TAFA2: variants seen among roughly 807,000 people sequenced by gnomAD.
The protein encoded by TAFA2 is TAFA chemokine like family member 2, also known as chemokine-like protein TAFA-2.
Under a neutral mutation model 18.8 loss-of-function variants are expected in TAFA2, and 7 were observed. That is an observed-to-expected ratio of 0.37 (90% CI 0.21 to 0.70). TAFA2 has a LOEUF of 0.70. Ranked by LOEUF, TAFA2 falls within the 30% of genes least tolerant of loss-of-function variation. TAFA2 has a pLI of 0.53. For synonymous variants in TAFA2, 60 were observed against 54.2 expected (o/e 1.11, Z -0.47); for missense variants, 122 against 158.1 (o/e 0.77, Z 1.23).
At chr12:61,865,481 T>C (rs1321684936) in intron 2 of TAFA2, among the ~76,000 whole-genome samples, 1 of 152,068 alleles carries the variant, frequency 6.6e-6, no homozygotes, top group African/African-American at 2.4e-5. Flanking sequence ...TCATCCAAAA[T>C]ATTGGTGGCA....
At position 61,973,410 on chromosome 12, in the gene TAFA2, TTTTTA is replaced by T. The variant is rs1200129120; in HGVS notation, c.-1-105989_-1-105985del. On this transcript the variant is annotated intron_variant, in intron 1 of 4. Transcript: ENST00000416284. ...TATTATTTAGATTTTTTTTTTTTTT[TTTTTA>T]GTTTTCATTACAACTTAGTTTATTT... Among the ~76,000 whole-genome samples the T allele has an allele frequency of 5.5e-3, 824 of 148,784 alleles. 3 individuals are homozygous for T. Among genetic ancestry groups the T allele is most frequent in the Non-Finnish European group, 8.4e-3 (559 of 66,564 alleles).
intron 1 of TAFA2, among the ~76,000 whole-genome samples, chr12:62,118,074 C>T (rs1470636930): frequency 6.6e-6 from 1 of 152,076 alleles, no homozygotes; most frequent in Admixed American, 6.5e-5. Context: ...TATGCAGTCA[C>T]CTCATATGAC....
intron 1 of TAFA2, among the ~76,000 whole-genome samples, chr12:62,170,633 A>G (rs1041847134): frequency 6.6e-6 from 1 of 152,140 alleles, no homozygotes; most frequent in Admixed American, 6.5e-5. Flanking sequence ...TTCTATTTGT[A>G]TCAATTTAAG....
At chr12:61,752,888 C>T (rs1203123585) in intron 4 of TAFA2, among the ~76,000 whole-genome samples, 1 of 151,724 alleles carries the variant, frequency 6.6e-6, no homozygotes, top group Non-Finnish European at 1.5e-5. Flanking sequence ...TATGCTTTTC[C>T]TAAAAGCAAA....
intron 1 of TAFA2, among the ~76,000 whole-genome samples, chr12:62,003,563 C>T (rs1340948477): frequency 2.6e-5 from 4 of 152,164 alleles, no homozygotes; most frequent in African/African-American, 7.2e-5. Flanking sequence ...GCAACCCATC[C>T]ACCTCAGCCT....
chr12:61,868,316 T>C (rs965559756), intron 1 of TAFA2, among the ~76,000 whole-genome samples: 6 of 152,126 alleles, frequency 3.9e-5, no homozygotes, highest in African/African-American at 1.4e-4. Flanking sequence ...CCCAGAATTG[T>C]CTAATTCTAA....
intron 2 of TAFA2, among the ~76,000 whole-genome samples, chr12:61,821,286 T>C (rs1018052017): frequency 6.6e-6 from 1 of 152,158 alleles, no homozygotes; most frequent in South Asian, 2.1e-4. Flanking sequence ...GTAATATAGG[T>C]TAATGATTTG....
intron 1 of TAFA2, among the ~76,000 whole-genome samples, chr12:61,908,772 G>A (rs1876477423): frequency 6.6e-6 from 1 of 152,038 alleles, no homozygotes; most frequent in Non-Finnish European, 1.5e-5. Context: ...CCTCTTTATG[G>A]AGCAACATAA....
chr12:61,901,259 C>CTTTTTTTTTTTTTTTTT (rs1203233805), intron 1 of TAFA2, among the ~76,000 whole-genome samples: 4 of 10,898 alleles, frequency 3.7e-4, no homozygotes, highest in Non-Finnish European at 2.9e-4. Flanking sequence ...TTCAATTTCA[C>CTTTTTTTTTTTTTTTTT]TTTTTTTTTT....
chr12:61,882,592 C>G (rs1875194855), intron 1 of TAFA2, among the ~76,000 whole-genome samples: 4 of 152,164 alleles, frequency 2.6e-5, no homozygotes, highest in Admixed American at 2.0e-4. Flanking sequence ...AATTCAGACT[C>G]TTTCACCAAG....
chr12:62,108,725 C>A (rs1250463744), intron 1 of TAFA2, among the ~76,000 whole-genome samples: 1 of 152,178 alleles, frequency 6.6e-6, no homozygotes, highest in South Asian at 2.1e-4. Context: ...ATTTGCATTT[C>A]TCTAATGACC....
intron 1 of TAFA2, among the ~76,000 whole-genome samples, chr12:62,001,869 C>T (rs1880388376): frequency 6.6e-6 from 1 of 152,082 alleles, no homozygotes; most frequent in African/African-American, 2.4e-5. Context: ...AGATATTATG[C>T]AGCACTATAA....
intron 2 of TAFA2, among the ~76,000 whole-genome samples, chr12:61,792,685 G>C (rs1249003833): frequency 1.3e-5 from 2 of 151,206 alleles, no homozygotes; most frequent in Non-Finnish European, 3.0e-5. Context: ...TATTAACAGA[G>C]ATGAAAATAA....
At chr12:62,039,547 G>A (rs1881702673) in intron 1 of TAFA2, among the ~76,000 whole-genome samples, 1 of 152,164 alleles carries the variant, frequency 6.6e-6, no homozygotes, top group Admixed American at 6.5e-5. Flanking sequence ...AGAGAGATCA[G>A]TTGCCAAATG....
chr12:61,858,057 T>G (rs1873960190), intron 2 of TAFA2, among the ~76,000 whole-genome samples: 1 of 152,176 alleles, frequency 6.6e-6, no homozygotes, highest in African/African-American at 2.4e-5. Flanking sequence ...TGTAGCATCA[T>G]GAGAGAATTG....
chr12:62,119,152 A>C (rs572577593), intron 1 of TAFA2, among the ~76,000 whole-genome samples: 1 of 152,284 alleles, frequency 6.6e-6, no homozygotes, highest in Non-Finnish European at 1.5e-5. Flanking sequence ...TTTCATAGAC[A>C]TTTAATGAAT....
intron 1 of TAFA2, among the ~76,000 whole-genome samples, chr12:61,912,630 C>T (rs1000641709): frequency 2.0e-5 from 3 of 152,236 alleles, no homozygotes; most frequent in South Asian, 2.1e-4. Flanking sequence ...CATTGTTGCT[C>T]GTTTCTCTTT....
intron 4 of TAFA2, among the ~76,000 whole-genome samples, chr12:61,742,316 A>G (rs1179968888): frequency 6.6e-6 from 1 of 152,144 alleles, no homozygotes; most frequent in African/African-American, 2.4e-5. Context: ...AAGTTTTAGG[A>G]TTATAATAAA....
chr12:61,936,563 G>A (rs181868783), intron 1 of TAFA2, among the ~76,000 whole-genome samples: 52 of 150,486 alleles, frequency 3.5e-4, no homozygotes, highest in African/African-American at 1.1e-3. Context: ...ATGAGACTCC[G>A]TCTCAAAAAA....
Sources: gnomAD v4.1 joint callset for allele counts (sites outside exome capture counted in the v4.1 genomes callset) on GRCh38, gnomAD v4.1.1 for gene constraint, MANE v1.5 for transcripts, NCBI Gene and HGNC (gene_info 2026-07-23, HGNC 2026-07-21) for gene names.